SAG: variants seen among roughly 807,000 people sequenced by gnomAD.
SAG encodes the protein S-antigen visual arrestin, also known as S-arrestin.
A neutral mutation model predicts 55.0 loss-of-function variants in SAG; 45 were observed. The ratio of observed to expected loss-of-function variants is 0.82; its 90% CI spans 0.64 to 1.05. SAG has a LOEUF of 1.05. SAG is among the 50% of genes least tolerant of loss of function. The pLI, the probability that SAG is intolerant of heterozygous loss-of-function variation, is 0.00. For missense variants in SAG, 455 were observed against 512.1 expected, an observed-to-expected ratio of 0.89 and a Z score of 1.08; for synonymous variants, 189 against 197.4, an observed-to-expected ratio of 0.96 and a Z score of 0.36.
At chr2:233,326,291 T>A (rs576035310) in intron 6 of SAG, among the ~76,000 whole-genome samples, 1 of 152,284 alleles carries the variant, frequency 6.6e-6, no homozygotes, top group Admixed American at 6.5e-5. Context: ...AGTTTCTTTT[T>A]TAAAAATCAA....
chr2:233,333,716 C>CT (rs1700840027), intron 10 of SAG: 1 of 152,250 alleles, frequency 6.6e-6, no homozygotes, highest in Non-Finnish European at 1.5e-5. Flanking sequence ...AGTCCATCCT[C>CT]TGAGCCCAAC....
intron 6 of SAG, among the ~76,000 whole-genome samples, chr2:233,325,582 A>C (rs1700526553): frequency 6.6e-6 from 1 of 152,160 alleles, no homozygotes; most frequent in Admixed American, 6.5e-5. Flanking sequence ...TGATTACAGA[A>C]GAAGGGGGCA....
In SAG at chr2:233,338,716, G is replaced by C; in HGVS notation, c.985G>C (p.Val329Leu). Residue 329 changes from valine to leucine, a missense_variant, in exon 12 of 16, where the codon GTG becomes CTG. Transcript: ENST00000409110. Reference sequence around the variant, plus strand: ...AGACCGGACCGTCCTGGGAATCCTGGTGTCTTACCAGATCAAGGTGAAGCT... The same window carrying C: ...AGACCGGACCGTCCTGGGAATCCTGCTGTCTTACCAGATCAAGGTGAAGCT... ...GIDRTVLGIL[V>L]SYQIKVKLTV... 6.2e-7 allele frequency: 1 copy of C among 1,613,982 alleles called. No homozygotes were observed. Among genetic ancestry groups the C allele is most frequent in the Non-Finnish European group, 8.5e-7 (1 of 1,179,882 alleles).
chr2:233,324,046 G>A (rs140827745), intron 6 of SAG, among the ~76,000 whole-genome samples: 13 of 152,244 alleles, frequency 8.5e-5, no homozygotes, highest in African/African-American at 2.6e-4. Flanking sequence ...GGCGCACCTC[G>A]CCTGGTGTGT....
intron 11 of SAG, 159 bp from the exon 12 acceptor site, chr2:233,338,517 C>G (rs377576634): frequency 1.5e-6 from 1 of 658,358 alleles, no homozygotes; most frequent in African/African-American, 1.8e-5. Flanking sequence ...TACCCACTCC[C>G]CAAGTACATG....
At chr2:233,320,131 T>C in intron 4 of SAG, 1 of 318,850 alleles carries the variant, frequency 3.1e-6, no homozygotes, top group Non-Finnish European at 4.5e-6. Flanking sequence ...CAAGTTGGAT[T>C]TCACCTCCCC....
chr2:233,342,475 G>T (rs549617078), intron 14 of SAG, 149 bp downstream of exon 14: 2 of 697,120 alleles, frequency 2.9e-6, no homozygotes. Flanking sequence ...TGAATAGTCT[G>T]GGGGGAAGGG....
chr2:233,326,913 G>A (rs1700576148), intron 6 of SAG, among the ~76,000 whole-genome samples: 1 of 152,222 alleles, frequency 6.6e-6, no homozygotes, highest in African/African-American at 2.4e-5. Context: ...TGGGGGCTTT[G>A]GGCCCATGGC....
chr2:233,323,216 G>A (rs1264222083), intron 6 of SAG, among the ~76,000 whole-genome samples: 2 of 152,114 alleles, frequency 1.3e-5, no homozygotes, highest in African/African-American at 4.8e-5. Context: ...GTGCCACCAT[G>A]CCCAGCTAAT....
Position 233,319,149 on chromosome 2 carries a change from CAGG to C in SAG, c.181+359_181+361del. On this transcript the variant is annotated intron_variant, in intron 4 of 15. Coordinates refer to ENST00000409110, the MANE Select transcript of SAG (RefSeq NM_000541.5). This position sits in a 1 kb window ranked among gnomAD's most constrained non-coding sequence, Gnocchi z 4.4. The stretch of plus-strand genomic sequence containing the variant: ...GAGGGTGCCTGGGGTGCCTAGGACT[CAGG>C]AGGACACAAGACCTTGAATGAATGA... 1 of 440,358 alleles carries C rather than the reference CAGG, an allele frequency of 2.3e-6. No homozygotes were observed. Among genetic ancestry groups the C allele is most frequent in the Admixed American group, 3.0e-5 (1 of 33,272 alleles). 27.3% of individuals were successfully genotyped at this position (440,358 alleles called of 1,614,324 possible).
At chr2:233,328,751 T>A in intron 8 of SAG, 138 bp downstream of exon 8, 1 of 893,666 alleles carries the variant, frequency 1.1e-6, no homozygotes, top group East Asian at 2.7e-5. Flanking sequence ...AGCACCAACA[T>A]GCGTAAGTGA....
chr2:233,318,429 C>A (rs1700277472), intron 3 of SAG, among the ~76,000 whole-genome samples: 1 of 151,942 alleles, frequency 6.6e-6, no homozygotes, highest in Non-Finnish European at 1.5e-5. Context: ...ACAAGGATCT[C>A]ACTATGTTGC....
intron 4 of SAG, 109 bp downstream of exon 4, chr2:233,318,904 C>A: frequency 1.1e-6 from 1 of 945,522 alleles, no homozygotes; most frequent in Non-Finnish European, 1.8e-6. Context: ...AAGGCAGAGG[C>A]AGCGCTCTTG....
intron 2 of SAG, among the ~76,000 whole-genome samples, chr2:233,310,506 CTTTTTTTT>C (rs967605903): frequency 8.7e-6 from 1 of 115,434 alleles, no homozygotes; most frequent in Non-Finnish European, 1.7e-5. Context: ...ATCATTCTGG[CTTTTTTTT>C]TTTTTTTTTT....
At position 233,309,090 on chromosome 2, in the gene SAG, G is replaced by C. The variant is rs2125317724; in HGVS notation, c.-28-72G>C. ...TCTCGTGAGTAGGTTTCATAACTAGGATGTTCTTGACTTGATATTTAGGAT... is the reference window on the plus strand; with the variant it reads ...TCTCGTGAGTAGGTTTCATAACTAGCATGTTCTTGACTTGATATTTAGGAT... On this transcript the variant is annotated intron_variant, in intron 1 of 15. Transcript: ENST00000409110. The C allele has an allele frequency of 3.5e-6, 3 of 855,806 alleles. 1 individual carries two copies. The South Asian group carries it at 4.8e-5, about 14-fold the overall frequency. 53.0% of individuals were successfully genotyped at this position (855,806 alleles called of 1,614,324 possible). A position where few individuals can be genotyped will look rare whatever the true frequency, so the allele number is the denominator to read the frequency against.
intron 12 of SAG, among the ~76,000 whole-genome samples, chr2:233,339,883 G>A (rs2879924): frequency 0.37 from 55,300 of 151,420 alleles, 12,205 homozygotes; most frequent in Non-Finnish European, 0.49. Flanking sequence ...GGCTGGTCTC[G>A]AACTTCTGAC....
At chr2:233,321,655 A>G (rs1471390593) in intron 5 of SAG, among the ~76,000 whole-genome samples, 2 of 152,112 alleles carry the variant, frequency 1.3e-5, no homozygotes, top group Non-Finnish European at 2.9e-5. Context: ...TCAGATTGGG[A>G]AGATGAAAAA....
At chr2:233,332,713 G>A (rs1700806727) in intron 10 of SAG, 1 of 149,468 alleles carries the variant, frequency 6.7e-6, no homozygotes, top group African/African-American at 2.5e-5. Flanking sequence ...CCAAGCAGGA[G>A]TGCAATGGCG....
intron 7 of SAG, 51 bp from the exon 8 acceptor site, chr2:233,328,427 T>C: frequency 6.3e-7 from 1 of 1,593,088 alleles, no homozygotes; most frequent in Non-Finnish European, 8.6e-7. Context: ...GAAGCCTCCC[T>C]AAAGCGGCCT....
Sources: gnomAD v4.1 joint callset for allele counts (sites outside exome capture counted in the v4.1 genomes callset) on GRCh38, gnomAD v4.1.1 for gene constraint, Gnocchi (gnomAD v3.1) non-coding constraint, MANE v1.5 for transcripts, NCBI Gene and HGNC (gene_info 2026-07-23, HGNC 2026-07-21) for gene names.